Variants in EPCIP observed in about 807,000 individuals in gnomAD.
EPCIP encodes the protein exosomal polycystin 1 interacting protein, also known as exosomal polycystin-1-interacting protein.
chr21:32,808,483 C>T, the EPCIP span, among the ~76,000 whole-genome samples: 2 of 152,276 alleles, frequency 1.3e-5, no homozygotes, highest in South Asian at 2.1e-4. Context: ...GCTATAGTTC[C>T]GACCATTCGA....
chr21:32,793,467 C>T, the EPCIP span: 3 of 507,356 alleles, frequency 5.9e-6, no homozygotes, highest in Non-Finnish European at 7.0e-6. Context: ...CATTTCCCTG[C>T]AGGCTTCTAG....
the EPCIP span, among the ~76,000 whole-genome samples, chr21:32,809,767 T>G: frequency 6.6e-6 from 1 of 152,178 alleles, no homozygotes; most frequent in Non-Finnish European, 1.5e-5. Context: ...ACTAAGAAAC[T>G]ACCTTCATCT....
At chr21:32,807,364 C>T in the EPCIP span, among the ~76,000 whole-genome samples, 44 of 101,516 alleles carry the variant, frequency 4.3e-4, no homozygotes, top group African/African-American at 1.3e-3. Flanking sequence ...CAGAGTTTTG[C>T]TCTTATTGCC....
chr21:32,809,322 TTCTTTCTTTCTTTCTTTCTTTCC>T, the EPCIP span, among the ~76,000 whole-genome samples: 13 of 146,032 alleles, frequency 8.9e-5, no homozygotes, highest in African/African-American at 2.8e-4. Context: ...CTTTCTTTCT[TTCTTTCTTTCTTTCTTTCTTTCC>T]TCTTTCTTTC....
At chr21:32,792,119 G>A in the EPCIP span, among the ~76,000 whole-genome samples, 19 of 152,160 alleles carry the variant, frequency 1.2e-4, no homozygotes, top group African/African-American at 4.3e-4. Context: ...GGTCAGGCTG[G>A]TCTCGAACTC....
At chr21:32,810,563 G>C in the EPCIP span, 14 of 469,516 alleles carry the variant, frequency 3.0e-5, no homozygotes, top group Admixed American at 2.6e-4. Context: ...GCCCGGCCCT[G>C]ATCTTCTTAC....
At chr21:32,809,009 G>T in the EPCIP span, among the ~76,000 whole-genome samples, 3 of 152,124 alleles carry the variant, frequency 2.0e-5, no homozygotes, top group African/African-American at 7.2e-5. Context: ...AACTCCAAAT[G>T]AATTCTTCAG....
chr21:32,793,720 A>G, the EPCIP span: 2 of 1,584,160 alleles, frequency 1.3e-6, no homozygotes, highest in Non-Finnish European at 1.7e-6. Context: ...CAAATTATTC[A>G]TCATTTGCCA....
At chr21:32,807,198 T>C in the EPCIP span, among the ~76,000 whole-genome samples, 1 of 152,180 alleles carries the variant, frequency 6.6e-6, no homozygotes, top group African/African-American at 2.4e-5. Flanking sequence ...GCCTTCTTGC[T>C]GATTGCGGTT....
the EPCIP span, among the ~76,000 whole-genome samples, chr21:32,806,426 G>C: frequency 6.6e-6 from 1 of 152,198 alleles, no homozygotes; most frequent in Non-Finnish European, 1.5e-5. Context: ...ACCATTGTGC[G>C]CATAGGCAAG....
the EPCIP span, among the ~76,000 whole-genome samples, chr21:32,792,730 T>A: frequency 2.0e-5 from 3 of 152,308 alleles, no homozygotes; most frequent in African/African-American, 7.2e-5. Context: ...CAATTTTCAC[T>A]GCTGCATCCC....
At chr21:32,811,139 C>CTT in the EPCIP span, among the ~76,000 whole-genome samples, 1 of 146,620 alleles carries the variant, frequency 6.8e-6, no homozygotes, top group Non-Finnish European at 1.5e-5. Flanking sequence ...CCCCCCTCCC[C>CTT]TTTTTTTTTT....
the EPCIP span, among the ~76,000 whole-genome samples, chr21:32,799,715 G>A: frequency 6.6e-6 from 1 of 152,208 alleles, no homozygotes; most frequent in Non-Finnish European, 1.5e-5. Flanking sequence ...GCTGAGGGGG[G>A]CAGATCATTT....
At chr21:32,793,805 G>T in the EPCIP span, 1 of 1,614,136 alleles carries the variant, frequency 6.2e-7, no homozygotes, top group South Asian at 1.1e-5. Flanking sequence ...GCTTGGCATT[G>T]GGAAGGTTCT....
At chr21:32,794,317 TG>T in the EPCIP span, 1 of 1,614,242 alleles carries the variant, frequency 6.2e-7, no homozygotes, top group South Asian at 1.1e-5. Flanking sequence ...TGTTTTCCCT[TG>T]TGAAGATGAG....
At chr21:32,793,468 A>G in the EPCIP span, 373,204 of 501,520 alleles carry the variant, frequency 0.74, 140,786 homozygotes, top group East Asian at 0.91. Context: ...ATTTCCCTGC[A>G]GGCTTCTAGT....
chr21:32,809,298 T>TTCTC, the EPCIP span, among the ~76,000 whole-genome samples: 1 of 133,888 alleles, frequency 7.5e-6, no homozygotes, highest in East Asian at 2.5e-4. Flanking sequence ...CTTTCTTTCT[T>TTCTC]TCTTTCTTTC....
At chr21:32,808,950 C>G in the EPCIP span, among the ~76,000 whole-genome samples, 20 of 152,102 alleles carry the variant, frequency 1.3e-4, no homozygotes, top group Middle Eastern at 3.2e-3. Context: ...GATAATCTGG[C>G]ATCACAATTT....
the EPCIP span, among the ~76,000 whole-genome samples, chr21:32,805,354 G>GAGT: frequency 1.6e-3 from 1 of 616 alleles, no homozygotes; most frequent in Non-Finnish European, 3.4e-3. Flanking sequence ...TAACATTGTA[G>GAGT]ATTATATTTT....
Sources: allele counts gnomAD v4.1 joint callset (sites outside exome capture counted in the v4.1 genomes callset), GRCh38; gene constraint gnomAD v4.1.1; transcripts MANE v1.5; gene names NCBI Gene and HGNC (gene_info 2026-07-23, HGNC 2026-07-21).